Variants in INTS1 observed in about 807,000 individuals in gnomAD.
INTS1 encodes the protein integrator complex subunit 1.
A neutral mutation model predicts 241.6 loss-of-function variants in INTS1; 137 were observed. The observed-to-expected ratio is 0.57, with a 90% confidence interval of 0.49 to 0.65. The LOEUF (loss-of-function observed/expected upper bound fraction) is 0.65, where lower values mean the gene tolerates loss of function less well. Among genes scored for constraint, INTS1 ranks in the 30% least tolerant of loss-of-function variants. INTS1 has a pLI of 0.00. For synonymous variants in INTS1, 1,692 were observed against 1,337.8 expected (o/e 1.26, Z -5.78); for missense variants, 3,073 against 3,032.2 (o/e 1.01, Z -0.32).
Position 1,493,831 on chromosome 7 carries a change from T to G in INTS1, c.1991A>C (p.Glu664Ala), listed in dbSNP as rs1317366855. The change falls in exon 15 of 48, where the codon GAG (glutamate) becomes GCG (alanine). Residue 664 changes from glutamate to alanine, a missense_variant. By Grantham distance (107) the Glu-to-Ala change is moderately radical (BLOSUM62 -1). Coordinates refer to ENST00000404767, the MANE Select transcript of INTS1 (RefSeq NM_001080453.3). The surrounding 1 kb of genome is among the most constrained non-coding windows in gnomAD (Gnocchi z 5.3). ...MRILVIGLSR[E>A]LPLGPADAME... ...GGCGTCCGCAGGCCCGAGCGGGAGC[T>G]CCCGGGACAGCCCGATGACCAGGAT... 1 of 1,572,248 alleles carries G rather than the reference T, an allele frequency of 6.4e-7. No individual in the cohort carries two copies.
rs886539073 is a variant in INTS1, at chr7:1,493,773, C to T, written c.2049G>A (p.Ala683=). Residue 683 remains alanine (A), a synonymous_variant, in exon 15 of 48, where the codon GCG becomes GCA. Transcript: ENST00000404767. The surrounding 1 kb of genome is among the most constrained non-coding windows in gnomAD (Gnocchi z 5.3). The stretch of plus-strand genomic sequence containing the variant: ...CCATACCATCCGCCTGCACGGCAGC[C>T]GCCCGCTTCACCAGGTGGTCAGCAA... The part of the protein sequence containing the change: ...MELADHLVKR[A]AAVQADDVEV... 16 of 1,578,638 alleles carry T rather than the reference C, an allele frequency of 1.0e-5. No homozygotes were observed. Among genetic ancestry groups the T allele is most frequent in the African/African-American group, 5.4e-5 (4 of 74,058 alleles).
chr7:1,502,827 G>C, intron 3 of INTS1, 74 bp downstream of exon 3: 2 of 1,526,472 alleles, frequency 1.3e-6, no homozygotes, highest in Non-Finnish European at 1.8e-6. Context: ...AGGCCTGGAG[G>C]GGGCCTTCCC....
At chr7:1,488,771 C>T (rs1458822469) in intron 18 of INTS1, among the ~76,000 whole-genome samples, 1 of 152,230 alleles carries the variant, frequency 6.6e-6, no homozygotes, top group Admixed American at 6.5e-5. Context: ...CAGAGCTCAT[C>T]GGCCCTCGCC....
intron 38 of INTS1, 21 bp downstream of exon 38, chr7:1,476,207 TG>T (rs1399453245): frequency 1.3e-6 from 2 of 1,543,618 alleles, no homozygotes; most frequent in Admixed American, 2.0e-5. Context: ...AGGCAGCATC[TG>T]GGGCCGGGGG....
intron 42 of INTS1, among the ~76,000 whole-genome samples, 157 bp from the exon 43 acceptor site, chr7:1,473,341 C>T (rs1039263323): frequency 3.9e-5 from 6 of 152,140 alleles, no homozygotes; most frequent in Non-Finnish European, 7.4e-5. Flanking sequence ...GCCACATGTG[C>T]GTGGAACGGG....
intron 38 of INTS1, 28 bp from the exon 39 acceptor site, chr7:1,476,099 G>A: frequency 6.5e-7 from 1 of 1,531,546 alleles, no homozygotes; most frequent in Non-Finnish European, 8.8e-7. Flanking sequence ...GGGCTCACCA[G>A]GCGGACGGGG....
At chr7:1,475,497 A>C (rs117408406) in intron 39 of INTS1, among the ~76,000 whole-genome samples, 2,867 of 152,274 alleles carry the variant, frequency 0.019, 51 homozygotes, top group Non-Finnish European at 0.032. Context: ...CTGTGGTACC[A>C]GCAGAAGACA....
intron 16 of INTS1, among the ~76,000 whole-genome samples, chr7:1,490,502 G>T (rs939082010): frequency 6.6e-6 from 1 of 152,228 alleles, no homozygotes; most frequent in South Asian, 2.1e-4. Flanking sequence ...CCCTGAAAGG[G>T]TGTCGCCTCT....
chr7:1,480,924 G>A lies in INTS1; in HGVS notation c.3860C>T (p.Ala1287Val), dbSNP rs1190086160. The A allele has an allele frequency of 2.5e-6, 4 of 1,573,530 alleles. No homozygotes were observed. Among genetic ancestry groups the A allele is most frequent in the Non-Finnish European group, 2.6e-6 (3 of 1,160,744 alleles). ...CTCATGCTGGACCTCCACCAGGTGGGCCATGTAATCTGCAAACCGTAGCAG... is the reference window on the plus strand; with the variant it reads ...CTCATGCTGGACCTCCACCAGGTGGACCATGTAATCTGCAAACCGTAGCAG... ...EQNIMDKNYMAHLVEVQHERG... is the reference protein window; with the variant it reads ...EQNIMDKNYMVHLVEVQHERG... The change falls in exon 29 of 48, where the codon GCC becomes GTC. Residue 1287 changes from alanine to valine, a missense_variant. By Grantham distance (64) the Ala-to-Val change is moderately conservative. Transcript: ENST00000404767.
At chr7:1,494,005 C>T (rs576614513) in intron 14 of INTS1, 94 bp from the exon 15 acceptor site, 23 of 1,426,106 alleles carry the variant, frequency 1.6e-5, no homozygotes, top group Admixed American at 2.4e-5. Context: ...TCAGAGCCCA[C>T]GGGCTGGTGG....
chr7:1,484,352 G>T (rs1020774025), intron 24 of INTS1, among the ~76,000 whole-genome samples, 182 bp from the exon 25 acceptor site: 1 of 152,166 alleles, frequency 6.6e-6, no homozygotes, highest in East Asian at 1.9e-4. Flanking sequence ...ACTCTCCAGG[G>T]GGGAGGGAGG....
At chr7:1,476,543 C>G (rs535073516) in intron 37 of INTS1, 27 bp downstream of exon 37, 1 of 1,610,312 alleles carries the variant, frequency 6.2e-7, no homozygotes, top group African/African-American at 1.3e-5. Flanking sequence ...CCCCCTCTCC[C>G]GGATGGGCCA....
rs573333009 is a variant in INTS1, at chr7:1,493,063, G to A, written c.2112C>T (p.Ala704=). 3.7e-5 allele frequency: 59 copies of A among 1,613,634 alleles called. 1 individual carries two copies. The highest frequency in any genetic ancestry group is 3.2e-4 in the South Asian group (29 of 91,080). Reference sequence around the variant, plus strand: ...GATGGTAGGTGCACAGATTCAGAACGGCGTCGATCAGCTGGGTCCTCCCCA... The same window carrying A: ...GATGGTAGGTGCACAGATTCAGAACAGCGTCGATCAGCTGGGTCCTCCCCA... The part of the protein sequence containing the change: ...LKVGRTQLID[A]VLNLCTYHHP... Residue 704 remains alanine (A), a synonymous_variant, in exon 16 of 48, where the codon GCC becomes GCT. Coordinates refer to ENST00000404767, the MANE Select transcript of INTS1 (RefSeq NM_001080453.3). This position sits in a 1 kb window ranked among gnomAD's most constrained non-coding sequence, Gnocchi z 5.3.
In INTS1 at chr7:1,503,898, C is replaced by G; in HGVS notation, c.58+5G>C. On this transcript the variant is annotated splice_donor_5th_base_variant and intron_variant, in intron 2 of 47. Transcript: ENST00000404767. ...CCGGGCTGCAGAGCGAGGAGGGAGACGCACCTGAGGGTTTGGCCGCGGCGC... is the reference window on the plus strand; with the variant it reads ...CCGGGCTGCAGAGCGAGGAGGGAGAGGCACCTGAGGGTTTGGCCGCGGCGC... 2 of 1,562,778 alleles carry G rather than the reference C, an allele frequency of 1.3e-6. No homozygotes were observed. Among genetic ancestry groups the G allele is most frequent in the Non-Finnish European group, 1.7e-6 (2 of 1,154,532 alleles).
At chr7:1,501,651 G>A (rs1271412949) in intron 3 of INTS1, among the ~76,000 whole-genome samples, 1 of 152,180 alleles carries the variant, frequency 6.6e-6, no homozygotes, top group Non-Finnish European at 1.5e-5. Context: ...GAGAGCCCGG[G>A]CCAGGATGAG....
Position 1,483,867 on chromosome 7 carries a change from G to C in INTS1, c.3430-14C>G. The C allele has an allele frequency of 6.2e-7, 1 of 1,604,404 alleles. No individual in the cohort carries two copies. Among genetic ancestry groups the C allele is most frequent in the Non-Finnish European group, 8.5e-7 (1 of 1,172,770 alleles). On this transcript the variant is annotated splice_polypyrimidine_tract_variant and intron_variant, in intron 25 of 47. Coordinates refer to ENST00000404767, the MANE Select transcript of INTS1 (RefSeq NM_001080453.3). ...CTGAGACTCCGACTGTGGGAAAAGA[G>C]GTGGAGTCAGGCCGTAAGGTTCAGG...
rs1783116054 is a variant in INTS1 at position 1,500,433 on chromosome 7, C to T, written c.350-67G>A. The stretch of plus-strand genomic sequence containing the variant: ...GGGTCACCCCAAAGCCTCGGGACAC[C>T]GGGAAGACCACGAGGAACCCAGAGC... On this transcript the variant is annotated intron_variant, in intron 3 of 47. Coordinates refer to ENST00000404767, the MANE Select transcript of INTS1 (RefSeq NM_001080453.3). 8 of 1,432,122 alleles carry T rather than the reference C, an allele frequency of 5.6e-6. No individual in the cohort carries two copies. In the East Asian group the frequency reaches 7.5e-5, roughly 13 times the overall value. The allele number at this position is 1,432,122 out of a possible 1,614,324, so 88.7% of individuals were successfully genotyped here.
rs777148804 is a variant in INTS1, at chr7:1,487,977, C to T, written c.2319-20G>A. 42 of 1,611,092 alleles carry T rather than the reference C, an allele frequency of 2.6e-5. No homozygotes were observed. Among genetic ancestry groups the T allele is most frequent in the South Asian group, 1.1e-4 (10 of 91,028 alleles). On this transcript the variant is annotated intron_variant, in intron 18 of 47. Coordinates refer to ENST00000404767, the MANE Select transcript of INTS1 (RefSeq NM_001080453.3). ...TAGTTGCTAGGGCCAGACGGGGGAGCGTGTCACCCTGCCCCCCATGAAGGG... is the reference window on the plus strand; with the variant it reads ...TAGTTGCTAGGGCCAGACGGGGGAGTGTGTCACCCTGCCCCCCATGAAGGG...
Position 1,492,891 on chromosome 7 carries a change from G to A in INTS1, c.2165+119C>T, listed in dbSNP as rs186410571. 21 of 585,112 alleles carry A rather than the reference G, an allele frequency of 3.6e-5. 1 individual carries two copies. The highest frequency in any genetic ancestry group is 2.8e-4 in the South Asian group (13 of 46,464). The allele number at this position is 585,112 out of a possible 1,614,324, so 36.2% of individuals were successfully genotyped here. A position where few individuals can be genotyped will look rare whatever the true frequency, so the allele number is the denominator to read the frequency against. ...GGGCTTACCCGGGCGGGAGTGGGGA[G>A]CGGGGCGCAGGCTTACCCGGGCGGG... On this transcript the variant is annotated intron_variant, in intron 16 of 47. Coordinates refer to ENST00000404767, the MANE Select transcript of INTS1 (RefSeq NM_001080453.3).
Sources: allele counts gnomAD v4.1 joint callset (sites outside exome capture counted in the v4.1 genomes callset), GRCh38; gene constraint gnomAD v4.1.1; non-coding constraint Gnocchi (gnomAD v3.1); transcripts MANE v1.5; gene names NCBI Gene and HGNC (gene_info 2026-07-23, HGNC 2026-07-21).